Variants in UNC5D observed in about 807,000 individuals in gnomAD.
The protein encoded by UNC5D is netrin receptor UNC5D.
A neutral mutation model predicts 105.4 loss-of-function variants in UNC5D; 39 were observed. The observed-to-expected ratio is 0.37, with a 90% confidence interval of 0.29 to 0.48. The LOEUF (loss-of-function observed/expected upper bound fraction) is 0.48. UNC5D is among the 20% of genes least tolerant of loss of function. The pLI is 0.98. For missense variants in UNC5D, 991 were observed against 1,202.4 expected (o/e 0.82, Z 2.60); for synonymous variants, 452 against 450.4 (o/e 1.00, Z -0.04).
chr8:35,297,134 G>A (rs913975788), intron 1 of UNC5D, among the ~76,000 whole-genome samples: 2 of 152,078 alleles, frequency 1.3e-5, no homozygotes, highest in African/African-American at 4.8e-5. Context: ...CAGCTAACGT[G>A]GTGAAGTGTG....
chr8:35,731,012 G>T lies in UNC5D; in HGVS notation c.1682G>T (p.Gly561Val). 1 of 1,613,656 alleles carries T rather than the reference G, an allele frequency of 6.2e-7. No homozygotes were observed. ...AACCTGTTGGCTTTTTCTGTTTTAG[G>T]GGTGAGCTTACTCATACCACACGGT... ...LGGRLVMPNT[G>V]VSLLIPHGAI... is the part of the protein sequence containing the mutation. Residue 561 changes from glycine (G) to valine (V), a missense_variant and splice_region_variant, in exon 11 of 17, where the codon GGG becomes GTG. Transcript: ENST00000404895.
At chr8:35,322,903 A>G (rs1242202415) in intron 1 of UNC5D, among the ~76,000 whole-genome samples, 4 of 152,152 alleles carry the variant, frequency 2.6e-5, no homozygotes, top group Non-Finnish European at 5.9e-5. Flanking sequence ...TTTTTGCCAC[A>G]TAATATCTAG....
intron 1 of UNC5D, among the ~76,000 whole-genome samples, chr8:35,256,793 G>A (rs1804103235): frequency 6.6e-6 from 1 of 151,756 alleles, no homozygotes. Context: ...GGATTCTTTG[G>A]ATATATTGGA....
chr8:35,646,899 T>G (rs1225653485), intron 4 of UNC5D, among the ~76,000 whole-genome samples: 1 of 152,176 alleles, frequency 6.6e-6, no homozygotes, highest in East Asian at 1.9e-4. Context: ...TACTGTATTT[T>G]TCTAGCCTAA....
Position 35,515,721 on chromosome 8 carries a change from G to A in UNC5D, c.104-33571G>A, listed in dbSNP as rs116804701. On this transcript the variant is annotated intron_variant, in intron 1 of 16. Transcript: ENST00000404895. Reference sequence around the variant, plus strand: ...AAAAACAGATTTTAAAAGTCCATATGTAAGGGCGGCAACCTTTTAAACTGT... The same window carrying A: ...AAAAACAGATTTTAAAAGTCCATATATAAGGGCGGCAACCTTTTAAACTGT... 9.9e-3 allele frequency among the ~76,000 whole-genome samples: 1,505 copies of A among 152,252 alleles called. 30 individuals carry two copies. The highest frequency in any genetic ancestry group is 0.034 in the African/African-American group (1,407 of 41,528).
chr8:35,766,827 C>CATCATCAT, intron 14 of UNC5D, 75 bp from the exon 15 acceptor site: 1 of 1,479,408 alleles, frequency 6.8e-7, no homozygotes. Context: ...ATCATCATCA[C>CATCATCAT]TATTAAGTCT....
In UNC5D at chr8:35,570,632, G is replaced by C. The variant is rs187797223; in HGVS notation, c.466+2391G>C. ...AGCCCTCAGTCCCCAACTCTCCCAG[G>C]CATGAGAGAATAAACAATGTGAAAA... is the stretch of plus-strand genomic sequence containing the variant. On this transcript the variant is annotated intron_variant, in intron 3 of 16. Transcript: ENST00000404895. Among the ~76,000 whole-genome samples, 320 of 151,940 alleles carry C rather than the reference G, an allele frequency of 2.1e-3. 2 individuals carry two copies. Among genetic ancestry groups the C allele is most frequent in the Non-Finnish European group, 4.0e-3 (271 of 67,974 alleles).
chr8:35,572,806 T>A (rs1236643100), intron 3 of UNC5D, among the ~76,000 whole-genome samples: 1 of 145,728 alleles, frequency 6.9e-6, no homozygotes, highest in Admixed American at 6.9e-5. Flanking sequence ...TTATATTTCT[T>A]TTTTTTTTTT....
intron 1 of UNC5D, among the ~76,000 whole-genome samples, chr8:35,358,650 A>G (rs1801690894): frequency 6.6e-6 from 1 of 152,190 alleles, no homozygotes; most frequent in South Asian, 2.1e-4. Context: ...AACTTAAAAA[A>G]GTAGTTCCCC....
intron 15 of UNC5D, among the ~76,000 whole-genome samples, 157 bp downstream of exon 15, chr8:35,767,223 G>T (rs900792276): frequency 6.6e-6 from 1 of 152,178 alleles, no homozygotes. Context: ...AAGCTTTGTC[G>T]CATGCCGAGG....
intron 1 of UNC5D, among the ~76,000 whole-genome samples, chr8:35,388,279 G>A (rs556824542): frequency 1.5e-4 from 23 of 152,056 alleles, no homozygotes; most frequent in African/African-American, 4.1e-4. Context: ...CTGGAGAATC[G>A]CTTGAACCTG....
chr8:35,254,229 T>A (rs1258671918), intron 1 of UNC5D: 1 of 152,220 alleles, frequency 6.6e-6, no homozygotes, highest in Non-Finnish European at 1.5e-5. Flanking sequence ...AATAGATATT[T>A]GGTAAATCAT....
At chr8:35,563,572 A>G (rs1044384311) in intron 2 of UNC5D, among the ~76,000 whole-genome samples, 10 of 151,944 alleles carry the variant, frequency 6.6e-5, no homozygotes, top group Non-Finnish European at 1.3e-4. Context: ...AACAAGGCTA[A>G]TTTGACTTTT....
chr8:35,271,675 ATATATAT>A (rs1805361326), intron 1 of UNC5D, among the ~76,000 whole-genome samples: 3 of 45,094 alleles, frequency 6.7e-5, no homozygotes, highest in African/African-American at 1.9e-4. Context: ...ACAGGTATAC[ATATATAT>A]GTATACATGT....
Position 35,790,664 on chromosome 8 carries a change from C to A in UNC5D, c.*101C>A. 7.6e-7 allele frequency: 1 copy of A among 1,311,596 alleles called. No individual in the cohort carries two copies. Among genetic ancestry groups the A allele is most frequent in the Non-Finnish European group, 1.1e-6 (1 of 937,522 alleles). The allele number at this position is 1,311,596 out of a possible 1,614,324, so 81.2% of individuals were successfully genotyped here. ...GCCCAGTGGCGTTGGGGGAATTCAGCCTTCATTTATAATCAGTGAGATTCC... is the reference window on the plus strand; with the variant it reads ...GCCCAGTGGCGTTGGGGGAATTCAGACTTCATTTATAATCAGTGAGATTCC... On this transcript the variant is annotated 3_prime_UTR_variant, in exon 17 of 17. Coordinates refer to ENST00000404895, the MANE Select transcript of UNC5D (RefSeq NM_080872.4).
At chr8:35,596,092 T>C (rs934185161) in intron 4 of UNC5D, among the ~76,000 whole-genome samples, 5 of 152,198 alleles carry the variant, frequency 3.3e-5, no homozygotes, top group Non-Finnish European at 1.5e-5. Flanking sequence ...TCCTTCACTT[T>C]TTTGTGGAAC....
At chr8:35,331,160 A>G (rs1019704445) in intron 1 of UNC5D, among the ~76,000 whole-genome samples, 6 of 152,172 alleles carry the variant, frequency 3.9e-5, no homozygotes, top group Non-Finnish European at 8.8e-5. Flanking sequence ...GAGAGATGAG[A>G]GATTAATTCA....
chr8:35,525,799 T>G (rs1055367664), intron 1 of UNC5D: 3 of 1,474,134 alleles, frequency 2.0e-6, no homozygotes, highest in Non-Finnish European at 2.7e-6. Flanking sequence ...TTAACTAACT[T>G]TTTTGTTTTA....
intron 4 of UNC5D, among the ~76,000 whole-genome samples, chr8:35,627,735 C>A (rs890575972): frequency 9.2e-5 from 14 of 152,196 alleles, no homozygotes; most frequent in Non-Finnish European, 1.6e-4. Context: ...TTGACACCAG[C>A]CTGGGCAACA....
Sources: allele counts gnomAD v4.1 joint callset (sites outside exome capture counted in the v4.1 genomes callset), GRCh38; gene constraint gnomAD v4.1.1; transcripts MANE v1.5; gene names NCBI Gene and HGNC (gene_info 2026-07-23, HGNC 2026-07-21).